Variants in ADGB observed in about 807,000 individuals in gnomAD.
The protein encoded by ADGB is calpain-7-like protein.
Under a neutral mutation model 210.5 loss-of-function variants are expected in ADGB, and 172 were observed. The observed-to-expected ratio is 0.82, with a 90% confidence interval of 0.72 to 0.93. ADGB has a LOEUF of 0.93. Ranked by LOEUF, ADGB falls within the 40% of genes least tolerant of loss-of-function variation. The probability of loss-of-function intolerance (pLI) is 0.00; values close to 1 mark genes in which losing one functional copy is unlikely to be tolerated. For missense variants in ADGB, 2,025 were observed against 1,964.8 expected (o/e 1.03, Z -0.58); for synonymous variants, 658 against 662.7 (o/e 0.99, Z 0.11).
At chr6:146,629,295 T>C (rs563822872) in intron 1 of ADGB, among the ~76,000 whole-genome samples, 89 of 152,288 alleles carry the variant, frequency 5.8e-4, no homozygotes, top group Non-Finnish European at 9.9e-4. Context: ...GGAGTTTACG[T>C]GGTCATTTGA....
chr6:146,691,841 A>G (rs1350802950), intron 11 of ADGB, among the ~76,000 whole-genome samples: 1 of 151,494 alleles, frequency 6.6e-6, no homozygotes, highest in Non-Finnish European at 1.5e-5. Flanking sequence ...GGTTACAAAA[A>G]CTTCCCAGTT....
At chr6:146,802,109 G>A (rs1412093125) in intron 35 of ADGB, 98 bp downstream of exon 35, 2 of 901,572 alleles carry the variant, frequency 2.2e-6, no homozygotes, top group Non-Finnish European at 3.0e-6. Context: ...ATAGAAATAA[G>A]TCTTGAAAAC....
chr6:146,735,348 C>A (rs915026741), intron 22 of ADGB, among the ~76,000 whole-genome samples: 3 of 151,984 alleles, frequency 2.0e-5, no homozygotes, highest in African/African-American at 7.3e-5. Context: ...CTGGACAGAG[C>A]CTTTATCCCA....
At chr6:146,782,588 T>C (rs1369345012) in intron 30 of ADGB, among the ~76,000 whole-genome samples, 2 of 151,970 alleles carry the variant, frequency 1.3e-5, no homozygotes, top group African/African-American at 4.8e-5. Flanking sequence ...AGGAACTGAG[T>C]TCTGAACCGA....
chr6:146,628,329 T>A (rs1336722872), intron 1 of ADGB, among the ~76,000 whole-genome samples: 1 of 152,012 alleles, frequency 6.6e-6, no homozygotes, highest in Non-Finnish European at 1.5e-5. Context: ...CTTCAATTTT[T>A]AAAATTATTA....
intron 29 of ADGB, among the ~76,000 whole-genome samples, chr6:146,773,327 T>C (rs1281440553): frequency 5.9e-5 from 9 of 152,124 alleles, no homozygotes; most frequent in Non-Finnish European, 8.8e-5. Flanking sequence ...TAGTTCTGGA[T>C]GTTGAAATTA....
intron 10 of ADGB, among the ~76,000 whole-genome samples, chr6:146,690,752 T>A (rs1020336478): frequency 3.9e-5 from 6 of 152,220 alleles, no homozygotes; most frequent in South Asian, 2.1e-4. Context: ...TAGTTTTTTT[T>A]AATTTACATA....
Position 146,807,659 on chromosome 6 carries a change from TGATAA to T in ADGB, c.4818+5653_4818+5657del, listed in dbSNP as rs1364402434. On this transcript the variant is annotated intron_variant, in intron 35 of 35. Coordinates refer to ENST00000397944, the MANE Select transcript of ADGB (RefSeq NM_024694.4). Reference sequence around the variant, plus strand: ...TTTGTAATGATCTTTAACTGCCTGCTGATAAGATATTGGGCCAACTGAAAATAGAA... The same window carrying T: ...TTTGTAATGATCTTTAACTGCCTGCTGATATTGGGCCAACTGAAAATAGAA... 1.0e-5 allele frequency: 12 copies of T among 1,203,670 alleles called. No individual in the cohort carries two copies. The Admixed American group carries it at 2.4e-4, about 24-fold the overall frequency. The allele number at this position is 1,203,670 out of a possible 1,614,324, so 74.6% of individuals were successfully genotyped here. A position where few individuals can be genotyped will look rare whatever the true frequency, so the allele number is the denominator to read the frequency against.
At chr6:146,604,875 C>T (rs1489267072) in intron 1 of ADGB, among the ~76,000 whole-genome samples, 1 of 152,078 alleles carries the variant, frequency 6.6e-6, no homozygotes, top group Admixed American at 6.5e-5. Context: ...AATCATGAGA[C>T]TCCTAAAATG....
chr6:146,693,006 T>C (rs1365219583), intron 12 of ADGB, 91 bp downstream of exon 12: 6 of 682,382 alleles, frequency 8.8e-6, no homozygotes, highest in Admixed American at 6.7e-5. Flanking sequence ...TGGGAGCATT[T>C]TGAAGAATAG....
chr6:146,785,273 A>T (rs1777857831), intron 31 of ADGB, among the ~76,000 whole-genome samples: 1 of 152,118 alleles, frequency 6.6e-6, no homozygotes, highest in Admixed American at 6.6e-5. Context: ...TGCCATAGTG[A>T]CACTATTACC....
Position 146,709,993 on chromosome 6 carries a change from T to G in ADGB, c.1708-5389T>G, listed in dbSNP as rs146684141. ...GGAAAGTCTTGTTCTTCCATATGACTGCTAAGAGCTCCTGAATATTGTGTC... is the reference window on the plus strand; with the variant it reads ...GGAAAGTCTTGTTCTTCCATATGACGGCTAAGAGCTCCTGAATATTGTGTC... On this transcript the variant is annotated intron_variant, in intron 13 of 35. Transcript: ENST00000397944. Among the ~76,000 whole-genome samples the G allele has an allele frequency of 1.6e-3, 240 of 152,212 alleles. 1 individual carries two copies. Among genetic ancestry groups the G allele is most frequent in the Middle Eastern group, 0.01 (3 of 294 alleles).
At chr6:146,658,967 C>A (rs571543751) in intron 5 of ADGB, among the ~76,000 whole-genome samples, 3 of 152,268 alleles carry the variant, frequency 2.0e-5, no homozygotes, top group Non-Finnish European at 4.4e-5. Context: ...AGGCAGCTGC[C>A]TGGTTTTCTG....
chr6:146,795,804 T>C (rs549550139), intron 33 of ADGB, among the ~76,000 whole-genome samples: 1 of 152,254 alleles, frequency 6.6e-6, no homozygotes, highest in East Asian at 1.9e-4. Flanking sequence ...TGAATGTTCA[T>C]TGCAGCACTA....
chr6:146,599,134 C>G lies in ADGB; in HGVS notation c.74+20C>G, dbSNP rs1780514453. On this transcript the variant is annotated intron_variant, in intron 1 of 35. Transcript: ENST00000397944. ...GAAAGAGTAAGGGACCTCTGCCTGTCCGTCCCTCCCCTGGCCTAGCCCCTC... is the reference window on the plus strand; with the variant it reads ...GAAAGAGTAAGGGACCTCTGCCTGTGCGTCCCTCCCCTGGCCTAGCCCCTC... 1.3e-6 allele frequency: 2 copies of G among 1,547,800 alleles called. No individual in the cohort carries two copies. Among genetic ancestry groups the G allele is most frequent in the Non-Finnish European group, 1.7e-6 (2 of 1,143,414 alleles).
chr6:146,811,895 C>T (rs1360693503), intron 35 of ADGB, among the ~76,000 whole-genome samples: 19 of 152,182 alleles, frequency 1.2e-4, no homozygotes, highest in African/African-American at 4.1e-4. Context: ...AGGCTGATCT[C>T]GAACTCCTGA....
At chr6:146,809,658 A>G (rs1778272483) in intron 35 of ADGB, among the ~76,000 whole-genome samples, 1 of 152,208 alleles carries the variant, frequency 6.6e-6, no homozygotes, top group African/African-American at 2.4e-5. Context: ...AAAATATTTA[A>G]TACTCCCATA....
rs1002670296 is a variant in ADGB at position 146,764,328 on chromosome 6, T to C, written c.3750+228T>C. On this transcript the variant is annotated intron_variant, in intron 28 of 35. Transcript: ENST00000397944. ...CATGAATACATCTTGGCAAATTTAATATGTACATGAACTCTATAATGTACC... is the reference window on the plus strand; with the variant it reads ...CATGAATACATCTTGGCAAATTTAACATGTACATGAACTCTATAATGTACC... 5.3e-5 allele frequency among the ~76,000 whole-genome samples: 8 copies of C among 152,304 alleles called. No homozygotes were observed. The East Asian group carries it at 1.5e-3, about 29-fold the overall frequency.
Position 146,614,657 on chromosome 6 carries a change from A to T in ADGB, c.74+15543A>T, listed in dbSNP as rs972248957. 5.3e-5 allele frequency among the ~76,000 whole-genome samples: 8 copies of T among 152,180 alleles called. 1 individual carries two copies. Among genetic ancestry groups the T allele is most frequent in the Non-Finnish European group, 2.9e-5 (2 of 68,026 alleles). On this transcript the variant is annotated intron_variant, in intron 1 of 35. Transcript: ENST00000397944. ...CAATGTGTAATAATCAAGTCAAGGT[A>T]ATTAGGATATCCATCTGAATTAGGC...
Sources: gnomAD v4.1 joint callset for allele counts (sites outside exome capture counted in the v4.1 genomes callset) on GRCh38, gnomAD v4.1.1 for gene constraint, MANE v1.5 for transcripts, NCBI Gene and HGNC (gene_info 2026-07-23, HGNC 2026-07-21) for gene names.